DACH1: variants seen among roughly 807,000 people sequenced by gnomAD.
DACH1 encodes the protein dachshund family transcription factor 1.
A neutral mutation model predicts 54.2 loss-of-function variants in DACH1; 12 were observed. That is an observed-to-expected ratio of 0.22 (90% CI 0.14 to 0.36). DACH1 has a LOEUF of 0.36. Ranked by LOEUF, DACH1 falls within the 10% of genes least tolerant of loss-of-function variation. DACH1 has a pLI of 1.00. For synonymous variants in DACH1, 386 were observed against 366.2 expected (o/e 1.05, Z -0.62); for missense variants, 805 against 929.8 (o/e 0.87, Z 1.75).
chr13:71,593,842 T>A (rs1402918810), intron 3 of DACH1, among the ~76,000 whole-genome samples: 1 of 151,800 alleles, frequency 6.6e-6, no homozygotes, highest in Non-Finnish European at 1.5e-5. Flanking sequence ...AGAAGTGAAG[T>A]TTTGGTTCAT....
chr13:71,783,840 G>GTT (rs373566201), intron 1 of DACH1, among the ~76,000 whole-genome samples: 1 of 146,334 alleles, frequency 6.8e-6, no homozygotes, highest in Non-Finnish European at 1.5e-5. Context: ...TTGATTTAAG[G>GTT]TTTTTTTTTT....
intron 6 of DACH1, among the ~76,000 whole-genome samples, chr13:71,522,973 G>A (rs1437467199): frequency 6.6e-6 from 1 of 152,056 alleles, no homozygotes; most frequent in Non-Finnish European, 1.5e-5. Context: ...CTAAAAGCTG[G>A]CAAGAATGCA....
intron 1 of DACH1, among the ~76,000 whole-genome samples, chr13:71,830,405 A>G (rs1888541095): frequency 6.6e-6 from 1 of 151,904 alleles, no homozygotes; most frequent in Non-Finnish European, 1.5e-5. Flanking sequence ...TATTCAAAAA[A>G]TAATAGAACT....
At chr13:71,823,284 C>A (rs370498655) in intron 1 of DACH1, among the ~76,000 whole-genome samples, 2 of 151,920 alleles carry the variant, frequency 1.3e-5, no homozygotes, top group Non-Finnish European at 2.9e-5. Flanking sequence ...ATTATTAAGA[C>A]AAAGGAAAGG....
intron 10 of DACH1, among the ~76,000 whole-genome samples, chr13:71,443,342 C>A (rs1874170368): frequency 6.6e-6 from 1 of 151,762 alleles, no homozygotes; most frequent in Non-Finnish European, 1.5e-5. Context: ...AACTGTAATG[C>A]CAGCACTTTG....
intron 1 of DACH1, among the ~76,000 whole-genome samples, chr13:71,731,567 G>A (rs1299085184): frequency 6.6e-6 from 1 of 152,160 alleles, no homozygotes; most frequent in Non-Finnish European, 1.5e-5. Flanking sequence ...ACAGGCGTGA[G>A]CCACCGCGCC....
In DACH1 at chr13:71,479,308, C is replaced by T. The variant is rs767100968; in HGVS notation, c.1731G>A (p.Leu577=). 1.3e-5 allele frequency: 21 copies of T among 1,612,960 alleles called. No individual in the cohort carries two copies. The highest frequency in any genetic ancestry group is 1.7e-5 in the Non-Finnish European group (20 of 1,179,712). Residue 577 remains leucine, a synonymous_variant, in exon 8 of 11, where the codon TTG becomes TTA. Coordinates refer to ENST00000613252, the MANE Select transcript of DACH1 (RefSeq NM_080759.6). ...CTCTGGCATTATCTATGGCAACTTT[C>T]AACAGCCCCTGTACAAAGAAGATAT... ...ETLLTNIQGL[L]KVAIDNARAQ... is the part of the protein sequence containing the mutation.
intron 6 of DACH1, among the ~76,000 whole-genome samples, chr13:71,497,819 A>G (rs2138224308): frequency 6.6e-6 from 1 of 151,660 alleles, no homozygotes; most frequent in South Asian, 2.1e-4. Context: ...TGGTTTATCA[A>G]TTTCTCTTCA....
At chr13:71,829,707 A>C (rs543885375) in intron 1 of DACH1, among the ~76,000 whole-genome samples, 1 of 152,034 alleles carries the variant, frequency 6.6e-6, no homozygotes, top group South Asian at 2.1e-4. Flanking sequence ...AGGTGCAACC[A>C]TTTTGCTTCC....
intron 6 of DACH1, among the ~76,000 whole-genome samples, chr13:71,555,298 G>C (rs543847156): frequency 6.6e-6 from 1 of 151,492 alleles, no homozygotes; most frequent in Non-Finnish European, 1.5e-5. Flanking sequence ...TAAAACTTGA[G>C]TCTTCGATGA....
intron 3 of DACH1, among the ~76,000 whole-genome samples, chr13:71,574,896 T>A (rs1262936599): frequency 6.6e-6 from 1 of 152,052 alleles, no homozygotes; most frequent in African/African-American, 2.4e-5. Flanking sequence ...ATTCACAAAT[T>A]TATACACCTT....
chr13:71,674,170 A>T (rs1432037055), intron 2 of DACH1, among the ~76,000 whole-genome samples: 3 of 152,188 alleles, frequency 2.0e-5, no homozygotes, highest in African/African-American at 7.2e-5. Context: ...AAAATAGGCC[A>T]AAATCTTCTG....
intron 1 of DACH1, among the ~76,000 whole-genome samples, chr13:71,742,556 C>A (rs887847258): frequency 6.6e-6 from 1 of 151,992 alleles, no homozygotes; most frequent in Admixed American, 6.6e-5. Flanking sequence ...AAGAAAAATG[C>A]AAAGAAATGT....
chr13:71,800,197 T>G (rs1218440665), intron 1 of DACH1, among the ~76,000 whole-genome samples: 2 of 152,080 alleles, frequency 1.3e-5, no homozygotes, highest in Non-Finnish European at 2.9e-5. Context: ...TCAAACACTG[T>G]GATTATATAC....
intron 1 of DACH1, among the ~76,000 whole-genome samples, chr13:71,703,015 T>C (rs1014809003): frequency 4.6e-5 from 7 of 152,226 alleles, no homozygotes; most frequent in Admixed American, 2.0e-4. Flanking sequence ...TGTAAAGCAG[T>C]AGTTGGTTAG....
In DACH1 at chr13:71,632,918, T is replaced by C. The variant is rs557564384; in HGVS notation, c.965-2201A>G. ...ATTACTCATTTCCTTCAAAGATGTT[T>C]CAGAAAATTTTCTTTCCTGTTCTCT... On this transcript the variant is annotated intron_variant, in intron 2 of 10. Coordinates refer to ENST00000613252, the MANE Select transcript of DACH1 (RefSeq NM_080759.6). 6.0e-4 allele frequency among the ~76,000 whole-genome samples: 92 copies of C among 152,298 alleles called. 1 individual carries two copies. The South Asian group carries it at 0.018, about 31-fold the overall frequency.
intron 4 of DACH1, among the ~76,000 whole-genome samples, chr13:71,565,753 A>T (rs1156635640): frequency 6.6e-6 from 1 of 152,188 alleles, no homozygotes; most frequent in Non-Finnish European, 1.5e-5. Context: ...CCCGTGAAAC[A>T]ACTTAATATA....
intron 1 of DACH1, 86 bp downstream of exon 1, chr13:71,865,836 C>T: frequency 7.4e-6 from 10 of 1,346,464 alleles, no homozygotes; most frequent in Middle Eastern, 2.6e-4. Context: ...GCGCGCAGAG[C>T]GAGCGGCGCC....
intron 1 of DACH1, among the ~76,000 whole-genome samples, chr13:71,771,004 G>C (rs1385989427): frequency 6.6e-6 from 1 of 151,476 alleles, no homozygotes; most frequent in Non-Finnish European, 1.5e-5. Context: ...TATTAGATCT[G>C]TTTAAACAAG....
Sources: allele counts gnomAD v4.1 joint callset (sites outside exome capture counted in the v4.1 genomes callset), GRCh38; gene constraint gnomAD v4.1.1; transcripts MANE v1.5; gene names NCBI Gene and HGNC (gene_info 2026-07-23, HGNC 2026-07-21).